NOL4: variants seen among roughly 807,000 people sequenced by gnomAD.
NOL4 encodes nucleolar protein 4, also known as cancer/testis antigen 125.
NOL4 carries 17 observed loss-of-function variants against 75.9 expected under a neutral mutation model. That is an observed-to-expected ratio of 0.22 (90% CI 0.15 to 0.34). NOL4 has a LOEUF of 0.34. NOL4 is among the 10% of genes least tolerant of loss of function. The pLI is 1.00. For missense variants in NOL4, 614 were observed against 793.5 expected (o/e 0.77, Z 2.72); for synonymous variants, 292 against 289.9 (o/e 1.01, Z -0.07).
intron 9 of NOL4, among the ~76,000 whole-genome samples, chr18:33,886,922 ATATATC>A (rs1568009904): frequency 1.7e-5 from 2 of 115,352 alleles, no homozygotes; most frequent in African/African-American, 6.4e-5. Flanking sequence ...CTATATACAT[ATATATC>A]TATATATCTA....
chr18:33,879,491 G>T (rs377377439), intron 10 of NOL4, among the ~76,000 whole-genome samples: 13 of 152,008 alleles, frequency 8.6e-5, no homozygotes, highest in Middle Eastern at 3.4e-3. Context: ...GGGCAACATG[G>T]TAAAAACTTT....
At chr18:34,122,795 AG>A (rs2080203953) in intron 2 of NOL4, among the ~76,000 whole-genome samples, 1 of 152,152 alleles carries the variant, frequency 6.6e-6, no homozygotes, top group African/African-American at 2.4e-5. Context: ...GCATACATGC[AG>A]GCACTTTAAG....
At chr18:34,018,765 T>C (rs2074855203) in intron 6 of NOL4, among the ~76,000 whole-genome samples, 1 of 152,210 alleles carries the variant, frequency 6.6e-6, no homozygotes, top group African/African-American at 2.4e-5. Flanking sequence ...TTTTGTCTTT[T>C]GTATGATATA....
At chr18:34,087,158 A>C (rs1420846116) in intron 5 of NOL4, among the ~76,000 whole-genome samples, 2 of 152,148 alleles carry the variant, frequency 1.3e-5, no homozygotes, top group Admixed American at 6.6e-5. Context: ...CAATTGTCTT[A>C]GTCATCCCAT....
chr18:34,129,884 C>A lies in NOL4; in HGVS notation c.401G>T (p.Arg134Ile), dbSNP rs748733208. The A allele has an allele frequency of 6.4e-7, 1 of 1,556,384 alleles. No individual in the cohort carries two copies. The highest frequency in any genetic ancestry group is 1.2e-5 in the South Asian group (1 of 80,504). The change falls in exon 2 of 11, where the codon AGA (arginine) becomes ATA (isoleucine). Residue 134 changes from arginine to isoleucine, a missense_variant. This residue lies in a region of NOL4 where 135 missense variants were observed against 220.4 expected (regional missense o/e 0.61). Transcript: ENST00000261592. Reference sequence around the variant, plus strand: ...TTTTTAACTTACTGCTTTGTAAGTTCTCTTTTGTCCAGCGTGTTTCCGAAT... The same window carrying A: ...TTTTTAACTTACTGCTTTGTAAGTTATCTTTTGTCCAGCGTGTTTCCGAAT... ...EQIRKHAGQK[R>I]TYKAISESYA...
At chr18:34,118,758 A>C (rs2145818048) in intron 2 of NOL4, among the ~76,000 whole-genome samples, 1 of 152,320 alleles carries the variant, frequency 6.6e-6, no homozygotes, top group South Asian at 2.1e-4. Context: ...TGAAATGCTC[A>C]GACAATAATT....
intron 5 of NOL4, among the ~76,000 whole-genome samples, chr18:34,053,864 A>C (rs1353442084): frequency 6.6e-6 from 1 of 151,930 alleles, no homozygotes; most frequent in African/African-American, 2.4e-5. Context: ...GAATACTCAC[A>C]TTGATTTTTA....
At chr18:33,903,464 T>C (rs1054886478) in intron 9 of NOL4, among the ~76,000 whole-genome samples, 9 of 152,120 alleles carry the variant, frequency 5.9e-5, no homozygotes, top group African/African-American at 1.9e-4. Flanking sequence ...TGCTGTTAAG[T>C]TACAGGGTTT....
chr18:33,984,783 GACTAATAC>G (rs1191131919), intron 6 of NOL4, among the ~76,000 whole-genome samples: 1 of 152,072 alleles, frequency 6.6e-6, no homozygotes, highest in Non-Finnish European at 1.5e-5. Flanking sequence ...TACAAGAATA[GACTAATAC>G]ACTGGTCAAT....
intron 9 of NOL4, among the ~76,000 whole-genome samples, chr18:33,896,510 G>T (rs2065419570): frequency 6.6e-6 from 1 of 152,048 alleles, no homozygotes; most frequent in African/African-American, 2.4e-5. Context: ...CAACAAAGCT[G>T]ACAAAAACAA....
At chr18:34,015,261 A>G (rs929647436) in intron 6 of NOL4, among the ~76,000 whole-genome samples, 5 of 151,980 alleles carry the variant, frequency 3.3e-5, no homozygotes, top group African/African-American at 1.2e-4. Flanking sequence ...TCGCAATTAA[A>G]ATGATTCTGC....
chr18:33,912,351 C>T (rs1441246265), intron 9 of NOL4, among the ~76,000 whole-genome samples: 1 of 151,962 alleles, frequency 6.6e-6, no homozygotes, highest in Non-Finnish European at 1.5e-5. Flanking sequence ...GGCATGCACA[C>T]TTTAAAACCT....
At chr18:34,004,747 A>C (rs1229255110) in intron 6 of NOL4, among the ~76,000 whole-genome samples, 1 of 152,060 alleles carries the variant, frequency 6.6e-6, no homozygotes, top group Non-Finnish European at 1.5e-5. Context: ...TTTTTCTTTT[A>C]AAACCCAGGT....
intron 9 of NOL4, among the ~76,000 whole-genome samples, chr18:33,889,991 C>A (rs980636822): frequency 1.3e-5 from 2 of 152,096 alleles, no homozygotes. Context: ...CAAGGATGCC[C>A]TCTCTCACCA....
intron 6 of NOL4, among the ~76,000 whole-genome samples, chr18:34,008,634 G>A (rs1042380509): frequency 6.6e-6 from 1 of 151,916 alleles, no homozygotes; most frequent in East Asian, 1.9e-4. Context: ...AGCTCATAAG[G>A]CCCCAAATAT....
chr18:34,170,691 G>C (rs1275017568), intron 1 of NOL4, among the ~76,000 whole-genome samples: 1 of 152,046 alleles, frequency 6.6e-6, no homozygotes, highest in Non-Finnish European at 1.5e-5. Context: ...ATTTCTATTG[G>C]ATAGTGCTGG....
chr18:33,866,446 T>C (rs1363386661), intron 10 of NOL4, among the ~76,000 whole-genome samples: 3 of 152,178 alleles, frequency 2.0e-5, no homozygotes, highest in Non-Finnish European at 4.4e-5. Flanking sequence ...TTGCTTTTTA[T>C]CTAAGGGGGT....
intron 4 of NOL4, among the ~76,000 whole-genome samples, chr18:34,095,665 A>G (rs2145576245): frequency 6.6e-6 from 1 of 152,298 alleles, no homozygotes. Flanking sequence ...AATGTCAGGT[A>G]CATGATAAGC....
chr18:34,075,836 T>C (rs1157616997), intron 5 of NOL4, among the ~76,000 whole-genome samples: 1 of 152,190 alleles, frequency 6.6e-6, no homozygotes, highest in African/African-American at 2.4e-5. Context: ...AATTTTTGTA[T>C]ATGAGTTGTA....
Sources: allele counts gnomAD v4.1 joint callset (sites outside exome capture counted in the v4.1 genomes callset), GRCh38; gene constraint gnomAD v4.1.1; regional missense constraint gnomAD v4.1.1; transcripts MANE v1.5; gene names NCBI Gene and HGNC (gene_info 2026-07-23, HGNC 2026-07-21).